Variants in ZNF681 observed in about 807,000 individuals in gnomAD.
ZNF681 encodes hypothetical protein FLJ31526.
ZNF681 carries 37 observed loss-of-function variants against 56.0 expected under a neutral mutation model. That is an observed-to-expected ratio of 0.66 (90% confidence interval 0.51 to 0.87). ZNF681 has a LOEUF of 0.87. Ranked by LOEUF, ZNF681 falls within the 40% of genes least tolerant of loss-of-function variation. ZNF681 has a pLI of 0.00. For synonymous variants in ZNF681, 225 were observed against 248.6 expected (o/e 0.91, Z 0.89); for missense variants, 741 against 744.9 (o/e 0.99, Z 0.06).
chr19:23,751,129 CA>C (rs34706305), intron 3 of ZNF681, among the ~76,000 whole-genome samples: 6,815 of 56,520 alleles, frequency 0.12, 347 homozygotes, highest in African/African-American at 0.29. Context: ...AACTCCATCT[CA>C]AAAAAAAAAA....
rs566967309 is a variant in ZNF681 at position 23,755,469 on chromosome 19, T to C, written c.86A>G (p.Tyr29Cys). Residue 29 changes from tyrosine to cysteine, a missense_variant, in exon 2 of 4, where the codon TAT (tyrosine) becomes TGT (cysteine). Transcript: ENST00000402377. ...GTAGTTCTCTAACATCACATTCCTA[T>C]ATAAATTCTGCTGTATAGTGTCCAG... ...QCLDTIQQNL[Y>C]RNVMLENYRN... 2.9e-5 allele frequency: 46 copies of C among 1,612,100 alleles called. No homozygotes were observed. Among genetic ancestry groups the C allele is most frequent in the Non-Finnish European group, 3.6e-5 (43 of 1,178,870 alleles).
intron 3 of ZNF681, 102 bp from the exon 4 acceptor site, chr19:23,745,425 T>A: frequency 1.1e-6 from 1 of 940,388 alleles, no homozygotes; most frequent in Non-Finnish European, 1.4e-6. Flanking sequence ...AGCAAGATGG[T>A]ATAGCAAAAT....
At chr19:23,755,035 C>T in intron 2 of ZNF681, 117 bp from the exon 3 acceptor site, 1 of 682,110 alleles carries the variant, frequency 1.5e-6, no homozygotes, top group Non-Finnish European at 2.3e-6. Context: ...TCCCAAAATA[C>T]TGATTTATAA....
intron 1 of ZNF681, among the ~76,000 whole-genome samples, chr19:23,756,958 T>C (rs1164407428): frequency 6.6e-6 from 1 of 152,030 alleles, no homozygotes; most frequent in Non-Finnish European, 1.5e-5. Context: ...GCAACCTCTG[T>C]CTCGTGGGTT....
chr19:23,744,589 G>T lies in ZNF681; in HGVS notation c.961C>A (p.Gln321Lys), dbSNP rs772395947. 1 of 1,613,838 alleles carries T rather than the reference G, an allele frequency of 6.2e-7. No individual in the cohort carries two copies. The highest frequency in any genetic ancestry group is 8.5e-7 in the Non-Finnish European group (1 of 1,179,976). ...EYKECGKAFN[Q>K]SSHLTRHKII... The stretch of plus-strand genomic sequence containing the variant: ...TTATGTCTGGTAAGGTGTGAGGACT[G>T]GTTGAAAGCTTTGCCACATTCCTTA... The change falls in exon 4 of 4, where the codon CAG (glutamine) becomes AAG (lysine). Residue 321 changes from glutamine (Q) to lysine (K), a missense_variant. Physicochemically the swap from Gln to Lys is moderately conservative, Grantham distance 53 (BLOSUM62 1). Coordinates refer to ENST00000402377, the MANE Select transcript of ZNF681 (RefSeq NM_138286.3).
At chr19:23,745,755 G>A (rs557431255) in intron 3 of ZNF681, among the ~76,000 whole-genome samples, 2 of 152,172 alleles carry the variant, frequency 1.3e-5, no homozygotes, top group East Asian at 3.9e-4. Flanking sequence ...TCGGCCCAAA[G>A]GCCCTAATTT....
Position 23,744,227 on chromosome 19 carries a change from C to T in ZNF681, c.1323G>A (p.Lys441=). 1 of 1,613,516 alleles carries T rather than the reference C, an allele frequency of 6.2e-7. No individual in the cohort carries two copies. Among genetic ancestry groups the T allele is most frequent in the South Asian group, 1.1e-5 (1 of 91,056 alleles). The change falls in exon 4 of 4, where the codon AAG becomes AAA. Residue 441 remains lysine, a synonymous_variant. Coordinates refer to ENST00000402377, the MANE Select transcript of ZNF681 (RefSeq NM_138286.3). ...ATGGTTTCTCTTCAGTATGAATATT[C>T]TTATGTTCAGTAAGGTTTGAGGATT... ...SNQSSNLTEH[K]NIHTEEKPYK... is the part of the protein sequence containing the mutation.
At chr19:23,756,224 C>G (rs1345392834) in intron 1 of ZNF681, among the ~76,000 whole-genome samples, 1 of 151,910 alleles carries the variant, frequency 6.6e-6, no homozygotes, top group Non-Finnish European at 1.5e-5. Flanking sequence ...ACTCGGGAGG[C>G]TGAGGCAGGA....
intron 3 of ZNF681, among the ~76,000 whole-genome samples, chr19:23,752,507 A>T (rs1359473432): frequency 7.2e-5 from 1 of 13,858 alleles, no homozygotes; most frequent in Non-Finnish European, 2.2e-4. Context: ...CTTAAATAAG[A>T]CTCAACCATA....
Position 23,745,394 on chromosome 19 carries a change from T to C in ZNF681, c.227-71A>G, listed in dbSNP as rs145988426. On this transcript the variant is annotated intron_variant, in intron 3 of 3. Transcript: ENST00000402377. Reference sequence around the variant, plus strand: ...AAATATACTTTACAAATCCAACCTATACAATTATACAAATTACATAAGCAA... The same window carrying C: ...AAATATACTTTACAAATCCAACCTACACAATTATACAAATTACATAAGCAA... 4.0e-3 allele frequency: 4,801 copies of C among 1,194,984 alleles called. 61 individuals are homozygous for C. The highest frequency in any genetic ancestry group is 2.9e-3 in the Non-Finnish European group (2,650 of 903,228). The allele number at this position is 1,194,984 out of a possible 1,614,324, so 74.0% of individuals were successfully genotyped here. A position where few individuals can be genotyped will look rare whatever the true frequency, so the allele number is the denominator to read the frequency against.
In ZNF681 at chr19:23,749,319, A is replaced by C. The variant is rs149590389; in HGVS notation, c.227-3996T>G. 1.9e-4 allele frequency among the ~76,000 whole-genome samples: 25 copies of C among 129,112 alleles called. No homozygotes were observed. The East Asian group carries it at 4.6e-3, about 24-fold the overall frequency. The allele number at this position is 129,112 out of a possible 152,430, so 84.7% of individuals were successfully genotyped here. A position where few individuals can be genotyped will look rare whatever the true frequency, so the allele number is the denominator to read the frequency against. On this transcript the variant is annotated intron_variant, in intron 3 of 3. Coordinates refer to ENST00000402377, the MANE Select transcript of ZNF681 (RefSeq NM_138286.3). ...AACAGAAAGTAGAAGGATATTTGTC[A>C]AGGGCTGGAGAGAGGGTAAAATGTT...
intron 3 of ZNF681, among the ~76,000 whole-genome samples, chr19:23,750,175 C>T (rs1327849507): frequency 1.3e-5 from 2 of 151,022 alleles, no homozygotes; most frequent in Non-Finnish European, 2.9e-5. Context: ...ATCCCAGCTA[C>T]TCGGTGGCTG....
intron 1 of ZNF681, among the ~76,000 whole-genome samples, chr19:23,758,285 A>AT (rs1969154027): frequency 6.6e-6 from 1 of 152,198 alleles, no homozygotes; most frequent in Non-Finnish European, 1.5e-5. Flanking sequence ...AATGTCTGTA[A>AT]TTACACCTAC....
intron 3 of ZNF681, among the ~76,000 whole-genome samples, chr19:23,746,338 AG>A (rs1773164098): frequency 6.6e-6 from 1 of 150,828 alleles, no homozygotes; most frequent in African/African-American, 2.4e-5. Context: ...AAAAAGAAAA[AG>A]GAGAAAGTTT....
chr19:23,747,436 A>G (rs1355267588), intron 3 of ZNF681, among the ~76,000 whole-genome samples: 4 of 152,048 alleles, frequency 2.6e-5, no homozygotes, highest in Admixed American at 6.6e-5. Context: ...TCAGGAGATC[A>G]AGACCATCCT....
In ZNF681 at chr19:23,745,317, C is replaced by G. The variant is rs775634085; in HGVS notation, c.233G>C (p.Cys78Ser). ...HRMVAEPPVICSHFAQDFSPE... is the reference protein window; with the variant it reads ...HRMVAEPPVISSHFAQDFSPE... The stretch of plus-strand genomic sequence containing the variant: ...TGAAAAGTCTTGGGCAAAATGAGAA[C>G]AAATAACTGAAAGAAATAAAAATAA... The change falls in exon 4 of 4, where the codon TGT (cysteine) becomes TCT (serine). Residue 78 changes from cysteine to serine, a missense_variant. By Grantham distance (112) the Cys-to-Ser change is moderately radical. Coordinates refer to ENST00000402377, the MANE Select transcript of ZNF681 (RefSeq NM_138286.3). 2.0e-6 allele frequency: 3 copies of G among 1,535,196 alleles called. No individual in the cohort carries two copies. Among genetic ancestry groups the G allele is most frequent in the South Asian group, 2.6e-5 (2 of 76,792 alleles).
intron 3 of ZNF681, among the ~76,000 whole-genome samples, chr19:23,753,846 G>A (rs1969072619): frequency 1.7e-5 from 2 of 118,666 alleles, no homozygotes; most frequent in Admixed American, 1.9e-4. Context: ...TGGAGAAAGA[G>A]CGAGACTTTG....
rs2049458658 is a variant in ZNF681 at position 23,740,895 on chromosome 19, A to G, written c.*2717T>C. On this transcript the variant is annotated 3_prime_UTR_variant, in exon 4 of 4. Coordinates refer to ENST00000402377, the MANE Select transcript of ZNF681 (RefSeq NM_138286.3). Reference sequence around the variant, plus strand: ...CCAGCTCACATAGCATCTTATATAAAATAAGAGAAAAAAATGTAAGACACA... The same window carrying G: ...CCAGCTCACATAGCATCTTATATAAGATAAGAGAAAAAAATGTAAGACACA... The G allele has an allele frequency of 6.6e-6, 1 of 152,142 alleles. No homozygotes were observed. The highest frequency in any genetic ancestry group is 1.5e-5 in the Non-Finnish European group (1 of 68,012). 9.4% of individuals were successfully genotyped at this position (152,142 alleles called of 1,614,324 possible). A position where few individuals can be genotyped will look rare whatever the true frequency, so the allele number is the denominator to read the frequency against.
rs1599451675 is a variant in ZNF681 at position 23,744,625 on chromosome 19, G to A, written c.925C>T (p.Leu309Phe). 3.7e-6 allele frequency: 6 copies of A among 1,613,942 alleles called. No individual in the cohort carries two copies. The East Asian group carries it at 1.3e-4, about 36-fold the overall frequency. Residue 309 changes from leucine (L) to phenylalanine (F), a missense_variant, in exon 4 of 4, where the codon CTC becomes TTC. Physicochemically the swap from Leu to Phe is conservative, Grantham distance 22. Coordinates refer to ENST00000402377, the MANE Select transcript of ZNF681 (RefSeq NM_138286.3). ...THKIIHTREK[L>F]NEYKECGKAF... The stretch of plus-strand genomic sequence containing the variant: ...TTGCCACATTCCTTATATTCATTGA[G>A]TTTCTCTCTGGTATGAATTATCTTA...
Sources: gnomAD v4.1 joint callset for allele counts (sites outside exome capture counted in the v4.1 genomes callset) on GRCh38, gnomAD v4.1.1 for gene constraint, MANE v1.5 for transcripts, NCBI Gene and HGNC (gene_info 2026-07-23, HGNC 2026-07-21) for gene names.